The following ELAVL4 variants were observed in gnomAD, a reference collection of about 807,000 sequenced individuals.
The protein encoded by ELAVL4 is ELAV-like protein 4.
Under a neutral mutation model 35.6 loss-of-function variants are expected in ELAVL4, and 1 was observed. That is an observed-to-expected ratio of 0.03 (90% CI 0.01 to 0.13). The LOEUF is 0.13. Among genes scored for constraint, ELAVL4 ranks in the 10% least tolerant of loss-of-function variants. The probability of loss-of-function intolerance (pLI) is 1.00; values close to 1 mark genes in which losing one functional copy is unlikely to be tolerated. For synonymous variants in ELAVL4, 156 were observed against 171.0 expected (o/e 0.91, Z 0.69); for missense variants, 267 against 464.9 (o/e 0.57, Z 3.91).
chr1:50,168,798 G>A (rs760360114), intron 2 of ELAVL4, among the ~76,000 whole-genome samples: 2 of 151,796 alleles, frequency 1.3e-5, no homozygotes, highest in Non-Finnish European at 2.9e-5. Flanking sequence ...GCATTTTGGG[G>A]TCTAATCATA....
chr1:50,157,252 G>A (rs1284619803), intron 2 of ELAVL4, among the ~76,000 whole-genome samples: 2 of 152,152 alleles, frequency 1.3e-5, no homozygotes, highest in Non-Finnish European at 2.9e-5. Flanking sequence ...GCCATTCTGT[G>A]CCTCAGGTTG....
upstream of ELAVL4, among the ~76,000 whole-genome samples, chr1:50,100,677 C>T (rs1665931802): frequency 6.6e-6 from 1 of 152,194 alleles, no homozygotes; most frequent in Non-Finnish European, 1.5e-5. Flanking sequence ...AGATTTTAAG[C>T]TCCTTGAAGG....
chr1:50,126,150 C>A (rs1192282728), intron 1 of ELAVL4, among the ~76,000 whole-genome samples: 1 of 152,168 alleles, frequency 6.6e-6, no homozygotes, highest in East Asian at 1.9e-4. Context: ...AAAATGAGAG[C>A]TACTTCCCAT....
intron 2 of ELAVL4, among the ~76,000 whole-genome samples, chr1:50,170,244 T>G (rs556775742): frequency 1.3e-3 from 192 of 152,332 alleles, no homozygotes; most frequent in African/African-American, 4.5e-3. Flanking sequence ...CATTATCACT[T>G]TTAATCCTCC....
rs560824891 is a variant in ELAVL4 at position 50,169,749 on chromosome 1, G to T, written c.251-7340G>T. ...AACTCTGCTTTATCTTCAAAGCCCA[G>T]CTCAAATGTCTCCACCTCCATGAAG... On this transcript the variant is annotated intron_variant, in intron 2 of 6. Transcript: ENST00000371824. Among the ~76,000 whole-genome samples the T allele has an allele frequency of 2.0e-5, 3 of 152,240 alleles. No homozygotes were observed. In the East Asian group the frequency reaches 5.8e-4, roughly 29 times the overall value.
intron 2 of ELAVL4, among the ~76,000 whole-genome samples, chr1:50,159,514 CACGAGAA>C (rs1676384244): frequency 6.6e-6 from 1 of 151,962 alleles, no homozygotes; most frequent in African/African-American, 2.4e-5. Context: ...GGGACTGAGG[CACGAGAA>C]TCACTTGAAC....
chr1:50,180,155 T>G (rs1244537003), intron 3 of ELAVL4: 1 of 108,624 alleles, frequency 9.2e-6, no homozygotes, highest in African/African-American at 3.6e-5. Context: ...AAAAATGAAC[T>G]CAAATTTAAA....
At chr1:50,094,998 GA>G (rs1379934173) in intron 1 of ELAVL4, among the ~76,000 whole-genome samples, 2 of 152,136 alleles carry the variant, frequency 1.3e-5, no homozygotes, top group East Asian at 3.9e-4. Flanking sequence ...TCAGGTAGGT[GA>G]AAAGTGTGAG....
At chr1:50,095,131 G>A (rs375106456) in intron 1 of ELAVL4, among the ~76,000 whole-genome samples, 7 of 152,284 alleles carry the variant, frequency 4.6e-5, no homozygotes, top group African/African-American at 1.7e-4. Flanking sequence ...GGAGGCTTGA[G>A]TTCAGTGGAA....
intron 1 of ELAVL4, among the ~76,000 whole-genome samples, chr1:50,121,504 G>A (rs1005078134): frequency 6.6e-6 from 1 of 152,066 alleles, no homozygotes; most frequent in Non-Finnish European, 1.5e-5. Context: ...CTTTGCTTCA[G>A]TTACCTATGT....
rs189312878 is a variant in ELAVL4, at chr1:50,124,461, G to A, written c.9+15263G>A. ...TCCCATTTTGAAGAAAGAGGACAAC[G>A]TAGTTTAAGTAACTTGTACAAGGTT... On this transcript the variant is annotated intron_variant, in intron 1 of 6. Transcript: ENST00000371824. Among the ~76,000 whole-genome samples, 47 of 152,224 alleles carry A rather than the reference G, an allele frequency of 3.1e-4. 1 individual carries two copies. In the East Asian group the frequency reaches 8.5e-3, roughly 28 times the overall value.
intron 2 of ELAVL4, chr1:50,175,855 T>C (rs1211922946): frequency 6.6e-6 from 1 of 152,202 alleles, no homozygotes; most frequent in East Asian, 1.9e-4. Flanking sequence ...TTTGCTGTAT[T>C]ATCTCCCAGC....
At chr1:50,083,752 A>C (rs1042117438) in intron 1 of ELAVL4, among the ~76,000 whole-genome samples, 1 of 152,210 alleles carries the variant, frequency 6.6e-6, no homozygotes, top group African/African-American at 2.4e-5. Flanking sequence ...AGAAAGGAAA[A>C]GAATGCTTAC....
rs766534378 is a variant in ELAVL4 at position 50,054,527 on chromosome 1, C to T, written c.18+6345C>T. On this transcript the variant is annotated intron_variant, in intron 1 of 6. Transcript: ENST00000448907. Reference sequence around the variant, plus strand: ...TATACTAGATTTAAAAGTGTGAGATCTGTCAACCTTAGAAGACTCATACCA... The same window carrying T: ...TATACTAGATTTAAAAGTGTGAGATTTGTCAACCTTAGAAGACTCATACCA... 1.8e-4 allele frequency among the ~76,000 whole-genome samples: 28 copies of T among 152,004 alleles called. 1 individual carries two copies. Among genetic ancestry groups the T allele is most frequent in the Admixed American group, 1.3e-4 (2 of 15,260 alleles).
At chr1:50,157,502 A>G (rs189141690) in intron 2 of ELAVL4, among the ~76,000 whole-genome samples, 1 of 152,302 alleles carries the variant, frequency 6.6e-6, no homozygotes, top group African/African-American at 2.4e-5. Flanking sequence ...CATCTCAACA[A>G]AAGCTGATTA....
intron 2 of ELAVL4, among the ~76,000 whole-genome samples, chr1:50,157,913 A>T (rs1557800835): frequency 1.3e-5 from 2 of 152,196 alleles, no homozygotes; most frequent in Non-Finnish European, 2.9e-5. Context: ...GGGTGTTTGT[A>T]TATATAGATA....
At chr1:50,156,030 C>T (rs568726895) in intron 2 of ELAVL4, among the ~76,000 whole-genome samples, 136 of 143,838 alleles carry the variant, frequency 9.5e-4, no homozygotes, top group African/African-American at 2.7e-3. Context: ...TGCACAGGCA[C>T]GCACACACAC....
At chr1:50,127,809 T>C (rs1670197551) in intron 1 of ELAVL4, among the ~76,000 whole-genome samples, 1 of 152,168 alleles carries the variant, frequency 6.6e-6, no homozygotes, top group African/African-American at 2.4e-5. Context: ...GCAGTCAAGC[T>C]CTAGTGACTG....
intron 2 of ELAVL4, among the ~76,000 whole-genome samples, chr1:50,171,595 T>A (rs942118309): frequency 6.6e-6 from 1 of 152,244 alleles, no homozygotes; most frequent in East Asian, 1.9e-4. Flanking sequence ...CATGTTAATA[T>A]AATCTTCACA....
Sources: allele counts gnomAD v4.1 joint callset (sites outside exome capture counted in the v4.1 genomes callset), GRCh38; gene constraint gnomAD v4.1.1; transcripts MANE v1.5; gene names NCBI Gene and HGNC (gene_info 2026-07-23, HGNC 2026-07-21).